Variants in CLCA1 observed in about 807,000 individuals in gnomAD.
The protein encoded by CLCA1 is chloride channel accessory 1.
CLCA1 carries 59 observed loss-of-function variants against 85.6 expected under a neutral mutation model. The observed-to-expected ratio is 0.69, with a 90% CI of 0.56 to 0.86. The LOEUF is 0.86. Among genes scored for constraint, CLCA1 ranks in the 40% least tolerant of loss-of-function variants. The pLI is 0.00. For missense variants in CLCA1, 1,022 were observed against 1,101.4 expected (o/e 0.93, Z 1.02); for synonymous variants, 396 against 398.3 (o/e 0.99, Z 0.07).
chr1:86,496,389 C>T (rs1217931243), intron 12 of CLCA1, among the ~76,000 whole-genome samples: 2 of 152,318 alleles, frequency 1.3e-5, no homozygotes, highest in South Asian at 2.1e-4. Flanking sequence ...AGATGAATTT[C>T]ATGTGGGCCA....
intron 8 of CLCA1, 23 bp downstream of exon 8, chr1:86,489,193 C>T (rs748747314): frequency 6.2e-7 from 1 of 1,606,364 alleles, no homozygotes; most frequent in Non-Finnish European, 8.5e-7. Context: ...TTGCTGAGAC[C>T]CCCGGTATTG....
intron 3 of CLCA1, among the ~76,000 whole-genome samples, chr1:86,476,161 C>A (rs1377102179): frequency 6.6e-6 from 1 of 152,140 alleles, no homozygotes; most frequent in African/African-American, 2.4e-5. Flanking sequence ...AGCTTCTAAT[C>A]ACACATGCCC....
At chr1:86,483,573 T>C (rs900689664) in intron 5 of CLCA1, among the ~76,000 whole-genome samples, 3 of 152,170 alleles carry the variant, frequency 2.0e-5, no homozygotes, top group Admixed American at 1.3e-4. Flanking sequence ...GCAAGTGTTA[T>C]ATGACATAAG....
intron 3 of CLCA1, among the ~76,000 whole-genome samples, chr1:86,474,819 T>C (rs1647600471): frequency 6.6e-6 from 1 of 152,188 alleles, no homozygotes; most frequent in Non-Finnish European, 1.5e-5. Flanking sequence ...GACATATATA[T>C]AAAATGTACT....
Position 86,482,423 on chromosome 1 carries a change from A to T in CLCA1, c.735+41A>T, listed in dbSNP as rs369698768. The T allele has an allele frequency of 4.0e-4, 625 of 1,574,196 alleles. 4 individuals are homozygous for T. Among genetic ancestry groups the T allele is most frequent in the Middle Eastern group, 2.2e-3 (13 of 5,914 alleles). On this transcript the variant is annotated intron_variant, in intron 5 of 13. Transcript: ENST00000394711. ...TCACCCCCTCCCCCAGATTCTTATG[A>T]ATTTAGTGAGGCTTTTACTCCAAGT... is the stretch of plus-strand genomic sequence containing the variant.
rs773833589 is a variant in CLCA1, at chr1:86,495,493, T to C, written c.1943-12T>C. ...CGTTACCTATTTATTAATTCCTTCA[T>C]TCTTTATCAAGGTGCTGATGCTACT... On this transcript the variant is annotated splice_polypyrimidine_tract_variant and intron_variant, in intron 11 of 13. Coordinates refer to ENST00000394711, the MANE Select transcript of CLCA1 (RefSeq NM_001285.4). The C allele has an allele frequency of 8.7e-6, 14 of 1,602,096 alleles. No homozygotes were observed. Among genetic ancestry groups the C allele is most frequent in the Non-Finnish European group, 1.2e-5 (14 of 1,170,660 alleles).
In CLCA1 at chr1:86,485,564, A is replaced by G; in HGVS notation, c.954+3A>G. On this transcript the variant is annotated splice_donor_region_variant and intron_variant, in intron 6 of 13. Coordinates refer to ENST00000394711, the MANE Select transcript of CLCA1 (RefSeq NM_001285.4). ...TTGACAAATCTGGAAGCATGGCGGT[A>G]TGTTCAATGAGTCTTGGTCTTCTGG... The G allele has an allele frequency of 6.2e-7, 1 of 1,613,362 alleles. No individual in the cohort carries two copies. The highest frequency in any genetic ancestry group is 8.5e-7 in the Non-Finnish European group (1 of 1,179,266).
Position 86,476,525 on chromosome 1 carries a change from T to C in CLCA1, c.529T>C (p.Leu177=), listed in dbSNP as rs137913059. ...GTACAATAATGATGAGAAATTCTACTTATCCAATGGAAGAATACAAGCAGT... is the reference window on the plus strand; with the variant it reads ...GTACAATAATGATGAGAAATTCTACCTATCCAATGGAAGAATACAAGCAGT... The part of the protein sequence containing the change: ...DEYNNDEKFY[L]SNGRIQAVRC... The change falls in exon 4 of 14, where the codon TTA becomes CTA. Residue 177 remains leucine, a synonymous_variant. Transcript: ENST00000394711. The C allele has an allele frequency of 1.5e-4, 234 of 1,586,890 alleles. No individual in the cohort carries two copies. The African/African-American group carries it at 2.8e-3, about 19-fold the overall frequency.
chr1:86,497,253 G>A (rs536930963), intron 12 of CLCA1, among the ~76,000 whole-genome samples: 101 of 152,306 alleles, frequency 6.6e-4, no homozygotes, highest in Admixed American at 1.3e-3. Flanking sequence ...TCTATCCCTC[G>A]ATAAGCCTTA....
chr1:86,480,529 G>A (rs1647790064), intron 4 of CLCA1, among the ~76,000 whole-genome samples: 1 of 152,072 alleles, frequency 6.6e-6, no homozygotes, highest in Admixed American at 6.6e-5. Context: ...AGGCTGAGGT[G>A]GAAGGATCAC....
At position 86,486,514 on chromosome 1, in the gene CLCA1, TTC is replaced by T; in HGVS notation, c.955-9_955-8del. 1 of 1,612,862 alleles carries T rather than the reference TTC, an allele frequency of 6.2e-7. No individual in the cohort carries two copies. ...TAAACGTAACCTGTTTTTCTTTTGC[TTC>T]TCCATTTAGACTGGTAACCGCCTCA... On this transcript the variant is annotated splice_polypyrimidine_tract_variant and intron_variant, in intron 6 of 13. Coordinates refer to ENST00000394711, the MANE Select transcript of CLCA1 (RefSeq NM_001285.4).
Position 86,498,214 on chromosome 1 carries a change from CAG to C in CLCA1, c.2114-356_2114-355del, listed in dbSNP as rs373204193. On this transcript the variant is annotated intron_variant, in intron 12 of 13. Coordinates refer to ENST00000394711, the MANE Select transcript of CLCA1 (RefSeq NM_001285.4). ...TGGAAGGAAGGAAGGAAGGAAAAAA[CAG>C]ATGTAGTATTTAAACTGACCTTGTG... Among the ~76,000 whole-genome samples, 76 of 126,150 alleles carry C rather than the reference CAG, an allele frequency of 6.0e-4. 1 individual carries two copies. The highest frequency in any genetic ancestry group is 2.2e-3 in the African/African-American group (73 of 33,780). The allele number at this position is 126,150 out of a possible 152,430, so 82.8% of individuals were successfully genotyped here.
At chr1:86,472,640 CT>C (rs1348727004) in intron 1 of CLCA1, among the ~76,000 whole-genome samples, 1 of 152,128 alleles carries the variant, frequency 6.6e-6, no homozygotes, top group Non-Finnish European at 1.5e-5. Context: ...TAATTTAACG[CT>C]GCAGCTATTT....
intron 3 of CLCA1, among the ~76,000 whole-genome samples, chr1:86,476,024 G>T (rs1379865063): frequency 6.6e-6 from 1 of 152,214 alleles, no homozygotes; most frequent in Non-Finnish European, 1.5e-5. Context: ...CTTGAGGTCT[G>T]ATGGGATAGG....
At chr1:86,469,513 T>C (rs901917897) in intron 1 of CLCA1, among the ~76,000 whole-genome samples, 1 of 152,202 alleles carries the variant, frequency 6.6e-6, no homozygotes, top group African/African-American at 2.4e-5. Flanking sequence ...AGTCAGACTC[T>C]CCTTTTATTC....
In CLCA1 at chr1:86,499,663, A is replaced by G. The variant is rs202085515; in HGVS notation, c.2363A>G (p.Tyr788Cys). The G allele has an allele frequency of 3.2e-6, 5 of 1,577,298 alleles. No individual in the cohort carries two copies. Among genetic ancestry groups the G allele is most frequent in the Non-Finnish European group, 3.5e-6 (4 of 1,152,580 alleles). The change falls in exon 14 of 14, where the codon TAT becomes TGT. Residue 788 changes from tyrosine (Y) to cysteine (C), a missense_variant. By Grantham distance (194) the Tyr-to-Cys change is radical. Coordinates refer to ENST00000394711, the MANE Select transcript of CLCA1 (RefSeq NM_001285.4). Reference sequence around the variant, plus strand: ...TCTTTTTTCTTTTTAGCTCACAAGTATATCATTCGAATAAGTACAAGTATT... The same window carrying G: ...TCTTTTTTCTTTTTAGCTCACAAGTGTATCATTCGAATAAGTACAAGTATT... ...DDYDHGTAHKYIIRISTSILD... is the reference protein window; with the variant it reads ...DDYDHGTAHKCIIRISTSILD...
At chr1:86,474,205 C>G (rs766832816) in intron 3 of CLCA1, among the ~76,000 whole-genome samples, 4 of 152,156 alleles carry the variant, frequency 2.6e-5, no homozygotes, top group Non-Finnish European at 4.4e-5. Flanking sequence ...GGAATTAAAT[C>G]TTCTACCTGC....
At chr1:86,486,778 T>C in intron 7 of CLCA1, 25 bp downstream of exon 7, 2 of 1,597,512 alleles carry the variant, frequency 1.3e-6, no homozygotes, top group Non-Finnish European at 8.6e-7. Context: ...TCTATTGTAG[T>C]TTGGAATGTT....
chr1:86,492,922 T>C (rs1558145028), intron 9 of CLCA1, among the ~76,000 whole-genome samples: 1 of 152,190 alleles, frequency 6.6e-6, no homozygotes, highest in Non-Finnish European at 1.5e-5. Context: ...GAAGGATTGA[T>C]AGAAATAAAA....
Sources: gnomAD v4.1 joint callset for allele counts (sites outside exome capture counted in the v4.1 genomes callset) on GRCh38, gnomAD v4.1.1 for gene constraint, MANE v1.5 for transcripts, NCBI Gene and HGNC (gene_info 2026-07-23, HGNC 2026-07-21) for gene names.